Variants in MCC observed in about 807,000 individuals in gnomAD.
The protein encoded by MCC is MCC regulator of Wnt signaling pathway, also known as colorectal mutant cancer protein.
Under a neutral mutation model 116.2 loss-of-function variants are expected in MCC, and 90 were observed. The observed-to-expected ratio is 0.77, with a 90% CI of 0.65 to 0.92. The LOEUF is 0.92. Ranked by LOEUF, MCC falls within the 40% of genes least tolerant of loss-of-function variation. The pLI is 0.00. For synonymous variants in MCC, 578 were observed against 510.5 expected (o/e 1.13, Z -1.78); for missense variants, 1,516 against 1,312.2 (o/e 1.16, Z -2.40).
chr5:113,057,723 C>A (rs4705762), intron 14 of MCC, among the ~76,000 whole-genome samples: 1 of 152,052 alleles, frequency 6.6e-6, no homozygotes, highest in South Asian at 2.1e-4. Context: ...AGGCATGCCT[C>A]GTACAAAACC....
chr5:113,096,701 C>CT (rs1756047700), intron 8 of MCC, among the ~76,000 whole-genome samples: 1 of 152,154 alleles, frequency 6.6e-6, no homozygotes, highest in Admixed American at 6.5e-5. Flanking sequence ...GGCCAACAGT[C>CT]TGAGTTTCTG....
At chr5:113,046,248 G>A (rs4705535) in intron 16 of MCC, among the ~76,000 whole-genome samples, 148,484 of 151,876 alleles carry the variant, frequency 0.98, 72,590 homozygotes, top group East Asian at 1. Flanking sequence ...GCTGTGGTGC[G>A]GCTGCACGAC....
intron 3 of MCC, among the ~76,000 whole-genome samples, chr5:113,228,772 T>G (rs1003810861): frequency 6.6e-6 from 1 of 152,046 alleles, no homozygotes; most frequent in Non-Finnish European, 1.5e-5. Context: ...AGAGACCAGT[T>G]ACAAAAACAA....
intron 3 of MCC, among the ~76,000 whole-genome samples, chr5:113,181,361 T>C (rs1213080318): frequency 1.3e-5 from 2 of 152,236 alleles, no homozygotes; most frequent in Admixed American, 1.3e-4. Context: ...TCACTTTTAC[T>C]GGGACTCAAA....
chr5:113,275,625 T>C (rs567266311), intron 3 of MCC, among the ~76,000 whole-genome samples: 24 of 152,294 alleles, frequency 1.6e-4, no homozygotes, highest in Admixed American at 2.6e-4. Context: ...CCATGGATTC[T>C]ACCAACCATA....
intron 3 of MCC, among the ~76,000 whole-genome samples, chr5:113,160,416 T>C (rs1408009017): frequency 1.3e-5 from 2 of 152,256 alleles, no homozygotes; most frequent in South Asian, 2.1e-4. Flanking sequence ...ATACTCAGCA[T>C]ATAACATGCA....
At chr5:113,077,943 A>T (rs775581610) in intron 11 of MCC, among the ~76,000 whole-genome samples, 8 of 152,222 alleles carry the variant, frequency 5.3e-5, no homozygotes, top group Non-Finnish European at 8.8e-5. Flanking sequence ...GATGAATCAA[A>T]TAGACGCAAT....
intron 13 of MCC, among the ~76,000 whole-genome samples, chr5:113,067,632 A>T: frequency 6.6e-6 from 1 of 152,244 alleles, no homozygotes; most frequent in East Asian, 1.9e-4. Context: ...GCAAAACTCC[A>T]TCTCAAAACA....
intron 3 of MCC, among the ~76,000 whole-genome samples, chr5:113,330,599 AC>A (rs1767675978): frequency 6.6e-6 from 1 of 152,156 alleles, no homozygotes; most frequent in South Asian, 2.1e-4. Flanking sequence ...CCAAGCAGCT[AC>A]TCTGTTTTTA....
At position 113,128,625 on chromosome 5, in the gene MCC, C is replaced by G. The variant is rs142103369; in HGVS notation, c.885-5799G>C. On this transcript the variant is annotated intron_variant, in intron 5 of 18. Transcript: ENST00000408903. Reference sequence around the variant, plus strand: ...TGAACAAATGGGATTTTGAAATGCTCTCCTATGAATATAACAATCCATTTT... The same window carrying G: ...TGAACAAATGGGATTTTGAAATGCTGTCCTATGAATATAACAATCCATTTT... Among the ~76,000 whole-genome samples the G allele has an allele frequency of 1.0e-3, 157 of 152,272 alleles. 1 individual carries two copies. In the East Asian group the frequency reaches 0.021, roughly 20 times the overall value.
intron 3 of MCC, among the ~76,000 whole-genome samples, chr5:113,242,194 G>T (rs888083720): frequency 2.0e-5 from 3 of 152,208 alleles, no homozygotes; most frequent in African/African-American, 7.2e-5. Context: ...AATTCTTTCA[G>T]AATACCATTT....
chr5:113,285,360 C>A (rs900863913), intron 3 of MCC, among the ~76,000 whole-genome samples: 3 of 131,964 alleles, frequency 2.3e-5, no homozygotes, highest in Non-Finnish European at 4.8e-5. Flanking sequence ...CCCACCCCCA[C>A]AAAATATGAA....
intron 2 of MCC, among the ~76,000 whole-genome samples, chr5:113,346,890 T>C (rs1768147041): frequency 1.3e-5 from 2 of 150,728 alleles, no homozygotes; most frequent in African/African-American, 4.9e-5. Flanking sequence ...CTTCTCAGTG[T>C]AAACCTTACA....
At chr5:113,432,693 T>G (rs1004173724) in intron 1 of MCC, 3 of 152,210 alleles carry the variant, frequency 2.0e-5, no homozygotes, top group African/African-American at 7.2e-5. Context: ...GTTACATTGT[T>G]TCCAGTATTA....
chr5:113,062,440 T>C (rs904050830), intron 14 of MCC, among the ~76,000 whole-genome samples: 1 of 152,180 alleles, frequency 6.6e-6, no homozygotes, highest in African/African-American at 2.4e-5. Flanking sequence ...TTTTTGGGGG[T>C]AGGGAGGTTT....
chr5:113,385,208 C>A lies in MCC; in HGVS notation c.175G>T (p.Asp59Tyr). 1 of 1,613,466 alleles carries A rather than the reference C, an allele frequency of 6.2e-7. No homozygotes were observed. The highest frequency in any genetic ancestry group is 1.1e-5 in the South Asian group (1 of 91,016). The change falls in exon 2 of 19, where the codon GAC (aspartate) becomes TAC (tyrosine). Residue 59 changes from aspartate (D) to tyrosine (Y), a missense_variant. Coordinates refer to ENST00000408903, the MANE Select transcript of MCC (RefSeq NM_001085377.2). ...GDGDGYISRN[D>Y]LLMVCRQLNM... ...AGCTGGCGACAGACCATTAGCAAGT[C>A]ATTTCTGCAGAAGGGGTTGAACAGA...
At chr5:113,315,933 C>T (rs116278501) in intron 3 of MCC, among the ~76,000 whole-genome samples, 7 of 151,506 alleles carry the variant, frequency 4.6e-5, no homozygotes, top group Non-Finnish European at 7.4e-5. Flanking sequence ...TTCGAAGTGC[C>T]CAAAACAACT....
chr5:113,424,100 C>T (rs1280428054), intron 1 of MCC, among the ~76,000 whole-genome samples: 2 of 148,142 alleles, frequency 1.4e-5, no homozygotes, highest in South Asian at 2.2e-4. Context: ...GATCATCCTA[C>T]GGTTAATCCC....
At position 113,195,406 on chromosome 5, in the gene MCC, T is replaced by G. The variant is rs117110895; in HGVS notation, c.628-43984A>C. On this transcript the variant is annotated intron_variant, in intron 3 of 18. Coordinates refer to ENST00000408903, the MANE Select transcript of MCC (RefSeq NM_001085377.2). Reference sequence around the variant, plus strand: ...CTCAACCAGATACAAACTGTCTGCTTAGGTCTGGTGTAATTTACAACAGCC... The same window carrying G: ...CTCAACCAGATACAAACTGTCTGCTGAGGTCTGGTGTAATTTACAACAGCC... Among the ~76,000 whole-genome samples, 180 of 152,302 alleles carry G rather than the reference T, an allele frequency of 1.2e-3. 2 individuals are homozygous for G. The East Asian group carries it at 0.03, about 26-fold the overall frequency.
Sources: gnomAD v4.1 joint callset for allele counts (sites outside exome capture counted in the v4.1 genomes callset) on GRCh38, gnomAD v4.1.1 for gene constraint, MANE v1.5 for transcripts, NCBI Gene and HGNC (gene_info 2026-07-23, HGNC 2026-07-21) for gene names.